Variants in FAM241A observed in about 807,000 individuals in gnomAD.
The protein encoded by FAM241A is uncharacterized protein FAM241A.
A neutral mutation model predicts 12.2 loss-of-function variants in FAM241A; 7 were observed. The ratio of observed to expected loss-of-function variants is 0.58; its 90% confidence interval spans 0.33 to 1.08. The LOEUF (loss-of-function observed/expected upper bound fraction) is 1.08, where lower values mean the gene tolerates loss of function less well. Ranked by LOEUF, FAM241A falls within the 50% of genes least tolerant of loss-of-function variation. FAM241A has a pLI of 0.04. For missense variants in FAM241A, 161 were observed against 169.7 expected, an observed-to-expected ratio of 0.95 and a Z score of 0.29; for synonymous variants, 74 against 68.2, an observed-to-expected ratio of 1.08 and a Z score of -0.42.
chr4:112,150,362 T>C (rs2117917), intron 1 of FAM241A, among the ~76,000 whole-genome samples: 72,692 of 151,954 alleles, frequency 0.48, 18,437 homozygotes, highest in East Asian at 0.73. Context: ...TAACTGGCCA[T>C]CTTTCTAAAT....
In FAM241A at chr4:112,192,916, C is replaced by T. The variant is rs1482231022; in HGVS notation, c.*5978C>T. On this transcript the variant is annotated 3_prime_UTR_variant, in exon 2 of 2. Coordinates refer to ENST00000309733, the MANE Select transcript of FAM241A (RefSeq NM_152400.3). The stretch of plus-strand genomic sequence containing the variant: ...TTCTAGTTCTAGATTCCTGAGGAAT[C>T]GCCACACTGACTTCCACAATGGTTG... 1.3e-5 allele frequency: 2 copies of T among 150,250 alleles called. No individual in the cohort carries two copies. The highest frequency in any genetic ancestry group is 2.5e-5 in the African/African-American group (1 of 40,600). 9.3% of individuals were successfully genotyped at this position (150,250 alleles called of 1,614,324 possible). A position where few individuals can be genotyped will look rare whatever the true frequency, so the allele number is the denominator to read the frequency against.
chr4:112,158,148 T>G (rs1031794567), intron 1 of FAM241A, among the ~76,000 whole-genome samples: 2 of 152,076 alleles, frequency 1.3e-5, no homozygotes, highest in Non-Finnish European at 2.9e-5. Flanking sequence ...AGTAATATAC[T>G]GAAAAAGGTA....
chr4:112,184,520 C>T (rs1364915068), intron 1 of FAM241A, among the ~76,000 whole-genome samples: 1 of 151,860 alleles, frequency 6.6e-6, no homozygotes, highest in African/African-American at 2.4e-5. Context: ...AAGAAAGAAA[C>T]TGTCTCAAAA....
intron 1 of FAM241A, among the ~76,000 whole-genome samples, chr4:112,146,748 A>G (rs1723145647): frequency 1.3e-5 from 2 of 152,236 alleles, no homozygotes. Flanking sequence ...TGTATACCTT[A>G]CATTGTTTCA....
chr4:112,184,801 A>G lies in FAM241A; in HGVS notation c.154-1892A>G, dbSNP rs188549056. ...ATTTATTTTAAACTCTATGTGTACA[A>G]TAGAAAATAAGGCTTCATATAGCCA... On this transcript the variant is annotated intron_variant, in intron 1 of 1. Transcript: ENST00000309733. 3.8e-3 allele frequency among the ~76,000 whole-genome samples: 573 copies of G among 152,296 alleles called. 13 individuals are homozygous for G. The highest frequency in any genetic ancestry group is 9.6e-4 in the Non-Finnish European group (65 of 68,022).
At chr4:112,169,391 A>G (rs1472722046) in intron 1 of FAM241A, among the ~76,000 whole-genome samples, 1 of 152,246 alleles carries the variant, frequency 6.6e-6, no homozygotes, top group East Asian at 1.9e-4. Context: ...ATGAAAAGGT[A>G]TATGTTACAG....
intron 1 of FAM241A, among the ~76,000 whole-genome samples, chr4:112,173,250 C>T (rs1723759030): frequency 6.6e-6 from 1 of 152,118 alleles, no homozygotes; most frequent in South Asian, 2.1e-4. Flanking sequence ...ACAGAGCATT[C>T]TTGATTTACT....
chr4:112,162,830 A>AG (rs1224359697), intron 1 of FAM241A, among the ~76,000 whole-genome samples: 1 of 152,116 alleles, frequency 6.6e-6, no homozygotes, highest in Non-Finnish European at 1.5e-5. Flanking sequence ...ATATGGAACC[A>AG]AAAAAAGAGC....
At chr4:112,171,714 C>T (rs1401197993) in intron 1 of FAM241A, among the ~76,000 whole-genome samples, 1 of 152,062 alleles carries the variant, frequency 6.6e-6, no homozygotes, top group Non-Finnish European at 1.5e-5. Flanking sequence ...AAAAAATTAG[C>T]CAGGCATGGT....
chr4:112,154,378 G>T (rs1391657864), intron 1 of FAM241A, among the ~76,000 whole-genome samples: 1 of 151,972 alleles, frequency 6.6e-6, no homozygotes, highest in African/African-American at 2.4e-5. Flanking sequence ...AGCAATTCTT[G>T]TGCCTCAGGC....
At chr4:112,154,675 T>C (rs28502301) in intron 1 of FAM241A, among the ~76,000 whole-genome samples, 2 of 152,144 alleles carry the variant, frequency 1.3e-5, no homozygotes, top group South Asian at 2.1e-4. Context: ...TATTTTTTTT[T>C]AAAAAAGTAG....
At chr4:112,165,123 A>G (rs1215649821) in intron 1 of FAM241A, among the ~76,000 whole-genome samples, 1 of 152,222 alleles carries the variant, frequency 6.6e-6, no homozygotes, top group Non-Finnish European at 1.5e-5. Context: ...AAAACAAGAC[A>G]TACAAATGGC....
At chr4:112,158,485 C>A (rs973226882) in intron 1 of FAM241A, among the ~76,000 whole-genome samples, 13 of 151,990 alleles carry the variant, frequency 8.6e-5, no homozygotes, top group African/African-American at 2.7e-4. Flanking sequence ...AGGCACTGAT[C>A]TAAGTCAAGA....
At chr4:112,147,244 A>C (rs1409841511) in intron 1 of FAM241A, among the ~76,000 whole-genome samples, 1 of 152,246 alleles carries the variant, frequency 6.6e-6, no homozygotes, top group African/African-American at 2.4e-5. Context: ...ATCACTTTGC[A>C]TACCTGCCTC....
intron 1 of FAM241A, among the ~76,000 whole-genome samples, chr4:112,168,776 C>T (rs368406646): frequency 1.4e-3 from 216 of 152,180 alleles, no homozygotes; most frequent in African/African-American, 5.0e-3. Flanking sequence ...GCGATTCTCC[C>T]ACCTCAGCCT....
intron 1 of FAM241A, among the ~76,000 whole-genome samples, chr4:112,158,201 A>C (rs1723391333): frequency 6.6e-6 from 1 of 152,042 alleles, no homozygotes; most frequent in South Asian, 2.1e-4. Flanking sequence ...TTCTTCTTGG[A>C]GTTTAAATGA....
intron 1 of FAM241A, among the ~76,000 whole-genome samples, chr4:112,149,718 T>A (rs933860274): frequency 3.3e-5 from 5 of 152,248 alleles, no homozygotes; most frequent in Non-Finnish European, 5.9e-5. Context: ...TCATTGCCAA[T>A]TTCATAGGTG....
chr4:112,189,934 A>G lies in FAM241A; in HGVS notation c.*2996A>G, dbSNP rs1053161957. The G allele has an allele frequency of 6.6e-6, 1 of 151,976 alleles. No individual in the cohort carries two copies. Among genetic ancestry groups the G allele is most frequent in the South Asian group, 2.1e-4 (1 of 4,810 alleles). 9.4% of individuals were successfully genotyped at this position (151,976 alleles called of 1,614,324 possible). On this transcript the variant is annotated 3_prime_UTR_variant, in exon 2 of 2. Transcript: ENST00000309733. ...CACATTCCCATTTCTATTCCTACAG[A>G]TACGAAAGTAAAGAACAGAACACAT... is the stretch of plus-strand genomic sequence containing the variant.
intron 1 of FAM241A, among the ~76,000 whole-genome samples, chr4:112,163,297 A>G (rs1723515896): frequency 6.6e-6 from 1 of 152,246 alleles, no homozygotes; most frequent in Non-Finnish European, 1.5e-5. Context: ...ACAAAAGCCA[A>G]AATTGACAAA....
Sources: gnomAD v4.1 joint callset for allele counts (sites outside exome capture counted in the v4.1 genomes callset) on GRCh38, gnomAD v4.1.1 for gene constraint, MANE v1.5 for transcripts, NCBI Gene and HGNC (gene_info 2026-07-23, HGNC 2026-07-21) for gene names.